TAFA2: variants seen among roughly 807,000 people sequenced by gnomAD.
TAFA2 encodes the protein TAFA chemokine like family member 2, also known as chemokine-like protein TAFA-2.
In TAFA2, 7 loss-of-function variants were observed where a neutral mutation model predicts 18.8. The ratio of observed to expected loss-of-function variants is 0.37; its 90% CI spans 0.21 to 0.70. The LOEUF is 0.70. TAFA2 is among the 30% of genes least tolerant of loss of function. The pLI, the probability that TAFA2 is intolerant of heterozygous loss-of-function variation, is 0.53. For missense variants in TAFA2, 122 were observed against 158.1 expected (o/e 0.77, Z 1.23); for synonymous variants, 60 against 54.2 (o/e 1.11, Z -0.47).
chr12:61,746,921 TGA>T (rs1405727697), intron 4 of TAFA2, among the ~76,000 whole-genome samples: 1 of 151,970 alleles, frequency 6.6e-6, no homozygotes, highest in Non-Finnish European at 1.5e-5. Context: ...ACCATCAGAG[TGA>T]ACAGGCAACC....
rs74567390 is a variant in TAFA2, at chr12:62,166,869, C to T, written c.-2+24390G>A. Reference sequence around the variant, plus strand: ...TGGTCTTCATGTGCTCCCTGATACACGCCAGTGAAATAAAACCTTTGATCT... The same window carrying T: ...TGGTCTTCATGTGCTCCCTGATACATGCCAGTGAAATAAAACCTTTGATCT... On this transcript the variant is annotated intron_variant, in intron 1 of 4. Transcript: ENST00000416284. 1.9e-3 allele frequency among the ~76,000 whole-genome samples: 294 copies of T among 152,234 alleles called. 2 individuals carry two copies. The highest frequency in any genetic ancestry group is 5.8e-3 in the African/African-American group (240 of 41,566).
intron 1 of TAFA2, among the ~76,000 whole-genome samples, chr12:62,233,608 G>A (rs7308544): frequency 0.16 from 25,071 of 152,198 alleles, 2,468 homozygotes; most frequent in East Asian, 0.34. Context: ...GTGTGAGCCA[G>A]GTGGGCTGGG....
chr12:61,902,309 T>A (rs2121320431), intron 1 of TAFA2, among the ~76,000 whole-genome samples: 1 of 152,256 alleles, frequency 6.6e-6, no homozygotes, highest in South Asian at 2.1e-4. Context: ...TGTCAATACG[T>A]GACTTCTTTC....
intron 1 of TAFA2, among the ~76,000 whole-genome samples, chr12:62,050,353 G>C (rs1246104274): frequency 6.6e-6 from 1 of 152,028 alleles, no homozygotes; most frequent in Non-Finnish European, 1.5e-5. Flanking sequence ...GGTAGATCAC[G>C]ACATCAGGAG....
At chr12:61,772,616 A>G (rs1455761464) in intron 2 of TAFA2, among the ~76,000 whole-genome samples, 1 of 152,048 alleles carries the variant, frequency 6.6e-6, no homozygotes, top group African/African-American at 2.4e-5. Flanking sequence ...AAATAACATA[A>G]TCATCGCAAT....
intron 1 of TAFA2, among the ~76,000 whole-genome samples, chr12:61,975,605 C>T (rs1187877525): frequency 6.7e-6 from 1 of 149,328 alleles, no homozygotes; most frequent in Non-Finnish European, 1.5e-5. Flanking sequence ...CATAGCCTGG[C>T]TATTGTGAAT....
intron 1 of TAFA2, among the ~76,000 whole-genome samples, chr12:62,118,278 C>T (rs1016193403): frequency 1.3e-5 from 2 of 152,044 alleles, no homozygotes; most frequent in Non-Finnish European, 2.9e-5. Flanking sequence ...TATTATATTG[C>T]TAAAATTTAT....
At chr12:61,771,444 C>T (rs1334309431) in intron 2 of TAFA2, among the ~76,000 whole-genome samples, 1 of 151,956 alleles carries the variant, frequency 6.6e-6, no homozygotes, top group Non-Finnish European at 1.5e-5. Context: ...TTCATCAGCA[C>T]ATAAAAGATT....
intron 1 of TAFA2, among the ~76,000 whole-genome samples, chr12:61,932,324 GTAGTAACCC>G (rs920013991): frequency 1.3e-5 from 2 of 152,158 alleles, no homozygotes; most frequent in Non-Finnish European, 2.9e-5. Flanking sequence ...AAACTTTAAG[GTAGTAACCC>G]TTCAGTGACA....
chr12:62,151,116 A>G (rs987311156), intron 1 of TAFA2, among the ~76,000 whole-genome samples: 2 of 152,114 alleles, frequency 1.3e-5, no homozygotes, highest in African/African-American at 4.8e-5. Context: ...ATTATTTCTC[A>G]CGTCTGTTCA....
At chr12:62,063,694 T>C (rs1882411095) in intron 1 of TAFA2, among the ~76,000 whole-genome samples, 1 of 152,206 alleles carries the variant, frequency 6.6e-6, no homozygotes, top group South Asian at 2.1e-4. Context: ...GGTGGTTTGA[T>C]GTATCAACTG....
intron 1 of TAFA2, among the ~76,000 whole-genome samples, chr12:61,950,238 A>G (rs752337283): frequency 6.6e-6 from 1 of 152,128 alleles, no homozygotes; most frequent in Non-Finnish European, 1.5e-5. Flanking sequence ...GTGTGCAAAT[A>G]TCTCTTTAAA....
At chr12:61,889,713 G>A (rs1042918630) in intron 1 of TAFA2, among the ~76,000 whole-genome samples, 1 of 152,176 alleles carries the variant, frequency 6.6e-6, no homozygotes, top group Non-Finnish European at 1.5e-5. Context: ...AAAGTGAATT[G>A]CGCCAACCGC....
intron 1 of TAFA2, among the ~76,000 whole-genome samples, chr12:62,035,733 CTTTTT>C (rs34859628): frequency 1.7e-4 from 10 of 60,234 alleles, no homozygotes; most frequent in African/African-American, 6.8e-4. Context: ...ATGATTCTTT[CTTTTT>C]TTTTTTTTTT....
chr12:61,932,882 G>A (rs1389882636), intron 1 of TAFA2, among the ~76,000 whole-genome samples: 1 of 152,120 alleles, frequency 6.6e-6, no homozygotes, highest in African/African-American at 2.4e-5. Flanking sequence ...TCCTTAATAT[G>A]TTAGGAAGAT....
chr12:62,074,436 T>C (rs1037466208), intron 1 of TAFA2, among the ~76,000 whole-genome samples: 2 of 152,226 alleles, frequency 1.3e-5, no homozygotes, highest in Non-Finnish European at 2.9e-5. Context: ...TGACATGTCT[T>C]ATGAGCTAAT....
At chr12:62,210,168 A>ACTCT (rs1491575609) in intron 1 of TAFA2, among the ~76,000 whole-genome samples, 1 of 149,882 alleles carries the variant, frequency 6.7e-6, no homozygotes, top group Admixed American at 6.8e-5. Context: ...CCTGGGTGAC[A>ACTCT]GAGTGAGACT....
chr12:62,178,467 C>T (rs2062529788), intron 1 of TAFA2, among the ~76,000 whole-genome samples: 1 of 152,172 alleles, frequency 6.6e-6, no homozygotes, highest in Non-Finnish European at 1.5e-5. Flanking sequence ...CTATCAAGAA[C>T]TCTGAAGGGT....
intron 2 of TAFA2, among the ~76,000 whole-genome samples, chr12:61,845,769 A>C (rs1310533343): frequency 6.6e-6 from 1 of 152,126 alleles, no homozygotes; most frequent in Non-Finnish European, 1.5e-5. Context: ...TTATTTGATA[A>C]CTCCAAAGTC....
Sources: gnomAD v4.1 joint callset for allele counts (sites outside exome capture counted in the v4.1 genomes callset) on GRCh38, gnomAD v4.1.1 for gene constraint, MANE v1.5 for transcripts, NCBI Gene and HGNC (gene_info 2026-07-23, HGNC 2026-07-21) for gene names.